ZNF618: variants seen among roughly 807,000 people sequenced by gnomAD.
ZNF618 encodes zinc finger protein 618, also known as neural precursor cell expressed, developmentally down-regulated 10.
In ZNF618, 34 loss-of-function variants were observed where a neutral mutation model predicts 103.0. That is an observed-to-expected ratio of 0.33 (90% CI 0.25 to 0.44). The LOEUF (loss-of-function observed/expected upper bound fraction) is 0.44. Ranked by LOEUF, ZNF618 falls within the 20% of genes least tolerant of loss-of-function variation. ZNF618 has a pLI of 1.00. For missense variants in ZNF618, 1,059 were observed against 1,295.4 expected (o/e 0.82, Z 2.80); for synonymous variants, 551 against 542.2 (o/e 1.02, Z -0.23).
chr9:113,966,293 C>T (rs1172876310), intron 1 of ZNF618, among the ~76,000 whole-genome samples: 1 of 152,160 alleles, frequency 6.6e-6, no homozygotes, highest in Non-Finnish European at 1.5e-5. Flanking sequence ...GTGTGACTTG[C>T]TGAAGATCGC....
rs200854394 is a variant in ZNF618 at position 114,002,628 on chromosome 9, C to T, written c.516C>T (p.Thr172=). 13 of 1,610,416 alleles carry T rather than the reference C, an allele frequency of 8.1e-6. No individual in the cohort carries two copies. Among genetic ancestry groups the T allele is most frequent in the East Asian group, 2.2e-5 (1 of 44,854 alleles). Residue 172 remains threonine (T), a synonymous_variant, in exon 6 of 15, where the codon ACC becomes ACT. Transcript: ENST00000374126. ...FQTHVRAHRD[T]EATSGEGASQ... is the part of the protein sequence containing the mutation. The stretch of plus-strand genomic sequence containing the variant: ...CCTCTCTCTCTCTCTTTGCAGACAC[C>T]GAAGCCACCTCAGGGGAGGGAGCCT...
At chr9:114,031,517 C>T (rs568261371) in intron 11 of ZNF618, among the ~76,000 whole-genome samples, 5 of 152,228 alleles carry the variant, frequency 3.3e-5, no homozygotes, top group Non-Finnish European at 5.9e-5. Flanking sequence ...CTGGCACCCA[C>T]AAACTAAGCA....
chr9:113,889,300 C>A (rs1482922583), intron 1 of ZNF618, among the ~76,000 whole-genome samples: 1 of 148,866 alleles, frequency 6.7e-6, no homozygotes, highest in African/African-American at 2.5e-5. Flanking sequence ...TCTCCTTGGC[C>A]CTGTCTCCCC....
chr9:113,886,971 C>CTTTTTTTTTTTTTTTTTTTTTTTT (rs57000343), intron 1 of ZNF618, among the ~76,000 whole-genome samples: 1 of 109,518 alleles, frequency 9.1e-6, no homozygotes, highest in African/African-American at 3.6e-5. Flanking sequence ...TTACTTTCTA[C>CTTTTTTTTTTTTTTTTTTTTTTTT]TTTTTTTTTT....
At chr9:113,975,532 C>A (rs909814863) in intron 2 of ZNF618, among the ~76,000 whole-genome samples, 1 of 152,260 alleles carries the variant, frequency 6.6e-6, no homozygotes, top group East Asian at 1.9e-4. Flanking sequence ...TATTCCTAAT[C>A]CAGAAATCCA....
At chr9:113,964,750 C>CTT (rs765191153) in intron 1 of ZNF618, among the ~76,000 whole-genome samples, 179 of 98,414 alleles carry the variant, frequency 1.8e-3, no homozygotes, top group African/African-American at 3.5e-3. Flanking sequence ...CTCCTTTCTG[C>CTT]TTTTTTTTTT....
chr9:113,966,806 G>A (rs566481941), intron 1 of ZNF618, among the ~76,000 whole-genome samples: 1 of 152,288 alleles, frequency 6.6e-6, no homozygotes, highest in Admixed American at 6.5e-5. Flanking sequence ...TCCTCTAGTT[G>A]CCCCAGTTTC....
chr9:113,986,052 TGAG>T (rs1368760319), intron 2 of ZNF618, among the ~76,000 whole-genome samples: 1 of 152,142 alleles, frequency 6.6e-6, no homozygotes, highest in Non-Finnish European at 1.5e-5. Context: ...GACAGACACA[TGAG>T]GAGGAGGCGC....
intron 1 of ZNF618, among the ~76,000 whole-genome samples, chr9:113,946,453 A>G (rs1156848256): frequency 6.6e-6 from 1 of 151,102 alleles, no homozygotes; most frequent in African/African-American, 2.4e-5. Context: ...TCTAGAAACT[A>G]TTTTCCAAGG....
chr9:113,914,966 C>A lies in ZNF618; in HGVS notation c.33+38553C>A, dbSNP rs118131525. Among the ~76,000 whole-genome samples, 739 of 152,276 alleles carry A rather than the reference C, an allele frequency of 4.9e-3. 1 individual carries two copies. Among genetic ancestry groups the A allele is most frequent in the Non-Finnish European group, 8.2e-3 (556 of 68,028 alleles). ...CCCTGATCCTTTGAAATTTGCACCC[C>A]TGTCTAAGAACAGTTTTCTCTAATA... On this transcript the variant is annotated intron_variant, in intron 1 of 14. Coordinates refer to ENST00000374126, the MANE Select transcript of ZNF618 (RefSeq NM_001318042.2).
intron 3 of ZNF618, among the ~76,000 whole-genome samples, chr9:113,997,852 C>T (rs1840769097): frequency 6.6e-6 from 1 of 152,190 alleles, no homozygotes; most frequent in Non-Finnish European, 1.5e-5. Context: ...AGCTGAGTCC[C>T]CAAGAAGGCC....
At chr9:114,035,429 G>A (rs1393263286) in intron 12 of ZNF618, among the ~76,000 whole-genome samples, 1 of 152,178 alleles carries the variant, frequency 6.6e-6, no homozygotes, top group African/African-American at 2.4e-5. Flanking sequence ...ACGGGGTGGG[G>A]CAGAGCCCTG....
intron 3 of ZNF618, among the ~76,000 whole-genome samples, chr9:113,989,514 G>T (rs1250277504): frequency 6.6e-6 from 1 of 152,214 alleles, no homozygotes; most frequent in Non-Finnish European, 1.5e-5. Flanking sequence ...CATTCCTGGC[G>T]TGGAGGCCTT....
intron 1 of ZNF618, among the ~76,000 whole-genome samples, chr9:113,964,222 C>T (rs1489983860): frequency 1.3e-5 from 2 of 152,186 alleles, no homozygotes; most frequent in Non-Finnish European, 2.9e-5. Context: ...ACCTCAGCCT[C>T]CCCGAGCCTC....
At chr9:114,026,299 C>T (rs764843703) in intron 10 of ZNF618, among the ~76,000 whole-genome samples, 15 of 152,156 alleles carry the variant, frequency 9.9e-5, no homozygotes, top group South Asian at 2.1e-4. Flanking sequence ...CGGTCCCAAG[C>T]GGGGTGGTCA....
chr9:113,989,260 C>T lies in ZNF618; in HGVS notation c.337+680C>T, dbSNP rs181553750. 4.4e-3 allele frequency among the ~76,000 whole-genome samples: 663 copies of T among 152,328 alleles called. 18 individuals are homozygous for T. The highest frequency in any genetic ancestry group is 3.7e-3 in the Non-Finnish European group (252 of 68,024). ...CCATGTCCAGTTAGAGAAGGCACGCCGCGTGTGTGGAGGGCGGCTGCTGCT... is the reference window on the plus strand; with the variant it reads ...CCATGTCCAGTTAGAGAAGGCACGCTGCGTGTGTGGAGGGCGGCTGCTGCT... On this transcript the variant is annotated intron_variant, in intron 3 of 14. Transcript: ENST00000374126.
At chr9:114,008,310 C>G (rs776707749) in intron 7 of ZNF618, 34 bp from the exon 8 acceptor site, 34 of 1,612,238 alleles carry the variant, frequency 2.1e-5, no homozygotes, top group Non-Finnish European at 2.7e-5. Flanking sequence ...TTGTTTCTTT[C>G]CTTCTGCGGC....
intron 1 of ZNF618, among the ~76,000 whole-genome samples, chr9:113,897,638 G>A (rs748642781): frequency 9.9e-5 from 15 of 151,964 alleles, no homozygotes; most frequent in Non-Finnish European, 2.2e-4. Context: ...TTTGCCTTCC[G>A]TAATTATCTT....
chr9:113,974,849 T>C (rs1243192008), intron 2 of ZNF618, among the ~76,000 whole-genome samples: 1 of 152,184 alleles, frequency 6.6e-6, no homozygotes, highest in Non-Finnish European at 1.5e-5. Context: ...TGGATTCAGA[T>C]TCTGGCCCTG....
Sources: allele counts gnomAD v4.1 joint callset (sites outside exome capture counted in the v4.1 genomes callset), GRCh38; gene constraint gnomAD v4.1.1; transcripts MANE v1.5; gene names NCBI Gene and HGNC (gene_info 2026-07-23, HGNC 2026-07-21).